The following G2E3 variants were observed in gnomAD, a reference collection of about 807,000 sequenced individuals.
G2E3 encodes G2/M phase-specific E3 ubiquitin-protein ligase.
G2E3 carries 35 observed loss-of-function variants against 92.8 expected under a neutral mutation model. The observed-to-expected ratio is 0.38, with a 90% confidence interval of 0.29 to 0.50. The LOEUF is 0.50. Ranked by LOEUF, G2E3 falls within the 20% of genes least tolerant of loss-of-function variation. The probability of loss-of-function intolerance (pLI) is 0.94; values close to 1 mark genes in which losing one functional copy is unlikely to be tolerated. For synonymous variants in G2E3, 242 were observed against 272.4 expected (o/e 0.89, Z 1.10); for missense variants, 554 against 823.8 (o/e 0.67, Z 4.01).
At chr14:30,610,297 A>G (rs1882025995) in intron 12 of G2E3, among the ~76,000 whole-genome samples, 1 of 152,226 alleles carries the variant, frequency 6.6e-6, no homozygotes. Flanking sequence ...GCCATCACGT[A>G]GTAAAATGTA....
At chr14:30,609,743 G>T (rs965409551) in intron 12 of G2E3, among the ~76,000 whole-genome samples, 1 of 152,016 alleles carries the variant, frequency 6.6e-6, no homozygotes, top group Non-Finnish European at 1.5e-5. Flanking sequence ...TGTTTTTTGT[G>T]GGGCTTTTTT....
In G2E3 at chr14:30,605,724, A is replaced by G. The variant is rs748150450; in HGVS notation, c.1230A>G (p.Gln410=). The G allele has an allele frequency of 1.9e-6, 3 of 1,608,508 alleles. No homozygotes were observed. Among genetic ancestry groups the G allele is most frequent in the Non-Finnish European group, 2.6e-6 (3 of 1,176,110 alleles). ...NFGSEHPGSK[Q]EFLSLLMQHL... Reference sequence around the variant, plus strand: ...GAAGTGAGCATCCTGGATCAAAGCAAGAATTTCTGAGTCTCTTAATGCAAC... The same window carrying G: ...GAAGTGAGCATCCTGGATCAAAGCAGGAATTTCTGAGTCTCTTAATGCAAC... The change falls in exon 11 of 15, where the codon CAA becomes CAG. Residue 410 remains glutamine, a synonymous_variant. Transcript: ENST00000206595.
rs1331355510 is a variant in G2E3, at chr14:30,616,624, CA to C, written c.*93del. ...CTAACCTTTTCATCATCACTTTGAA[CA>C]AACTAGTTAGCTTCTTGACCTAATA... On this transcript the variant is annotated 3_prime_UTR_variant, in exon 15 of 15. Transcript: ENST00000206595. 1.1e-6 allele frequency: 1 copy of C among 914,590 alleles called. No individual in the cohort carries two copies. The highest frequency in any genetic ancestry group is 1.7e-6 in the Non-Finnish European group (1 of 589,784). 56.7% of individuals were successfully genotyped at this position (914,590 alleles called of 1,614,324 possible).
Position 30,600,148 on chromosome 14 carries a change from G to A in G2E3, c.752+1549G>A, listed in dbSNP as rs17096939. 8.8e-3 allele frequency among the ~76,000 whole-genome samples: 1,347 copies of A among 152,252 alleles called. 25 individuals are homozygous for A. The highest frequency in any genetic ancestry group is 0.03 in the African/African-American group (1,253 of 41,534). On this transcript the variant is annotated intron_variant, in intron 8 of 14. Coordinates refer to ENST00000206595, the MANE Select transcript of G2E3 (RefSeq NM_017769.5). ...TATGTAGTCTTACTTAACATAGTAA[G>A]CTCAGTGTATAGAGCAGAATACTGG...
intron 2 of G2E3, among the ~76,000 whole-genome samples, chr14:30,585,334 T>C (rs1880649905): frequency 6.6e-6 from 1 of 152,206 alleles, no homozygotes. Flanking sequence ...AATTTGTATA[T>C]ATGGTGTGAG....
At chr14:30,585,935 A>T (rs896965329) in intron 2 of G2E3, among the ~76,000 whole-genome samples, 3 of 152,166 alleles carry the variant, frequency 2.0e-5, no homozygotes, top group African/African-American at 7.2e-5. Flanking sequence ...TCCAGTTATT[A>T]TGCAGAAGGT....
Position 30,605,769 on chromosome 14 carries a change from G to C in G2E3, c.1275G>C (p.Leu425Phe). The C allele has an allele frequency of 6.3e-7, 1 of 1,592,294 alleles. No individual in the cohort carries two copies. The highest frequency in any genetic ancestry group is 8.5e-7 in the Non-Finnish European group (1 of 1,171,320). The change falls in exon 11 of 15, where the codon TTG becomes TTC. Residue 425 changes from leucine to phenylalanine, a missense_variant. This residue lies in a region of G2E3 where 397 missense variants were observed against 560.3 expected (regional missense o/e 0.71). Coordinates refer to ENST00000206595, the MANE Select transcript of G2E3 (RefSeq NM_017769.5). Reference protein sequence around the residue: ...LLMQHLENSSLFEGSLSKNLS... With the variant: ...LLMQHLENSSFFEGSLSKNLS... ...TGCAACATCTTGAGAACTCATCATT[G>C]TTTGAAGGGTCCTTGTCAAAGAACT...
At chr14:30,613,218 T>G (rs1006094278) in intron 13 of G2E3, among the ~76,000 whole-genome samples, 1 of 152,196 alleles carries the variant, frequency 6.6e-6, no homozygotes, top group Non-Finnish European at 1.5e-5. Context: ...ACTTATTAAC[T>G]TGTGCCTGTC....
intron 6 of G2E3, among the ~76,000 whole-genome samples, chr14:30,596,554 C>T (rs973426744): frequency 6.6e-6 from 1 of 152,122 alleles, no homozygotes; most frequent in African/African-American, 2.4e-5. Flanking sequence ...TCCTATTTTC[C>T]TGGCAAACCT....
chr14:30,598,633 C>A (rs757893310), intron 8 of G2E3, 34 bp downstream of exon 8: 2 of 1,298,792 alleles, frequency 1.5e-6, no homozygotes, highest in Non-Finnish European at 2.2e-6. Flanking sequence ...CTTAGTGGTT[C>A]CTTGTTTAAA....
chr14:30,610,475 G>A (rs559819404), intron 12 of G2E3, among the ~76,000 whole-genome samples: 104 of 152,212 alleles, frequency 6.8e-4, no homozygotes, highest in African/African-American at 2.0e-3. Flanking sequence ...AATTAGCCAG[G>A]TGTGGTGGCG....
At chr14:30,588,288 TAAA>T (rs909460394) in intron 3 of G2E3, among the ~76,000 whole-genome samples, 16 of 152,148 alleles carry the variant, frequency 1.1e-4, no homozygotes, top group Non-Finnish European at 1.8e-4. Context: ...AAAAGTAAAA[TAAA>T]AAGTATTATT....
chr14:30,602,423 G>C (rs1034969485), intron 10 of G2E3, among the ~76,000 whole-genome samples: 21 of 151,582 alleles, frequency 1.4e-4, no homozygotes, highest in African/African-American at 5.1e-4. Flanking sequence ...ATTTTTTTGT[G>C]TACTGAGTAA....
At chr14:30,593,884 TTTG>T (rs1463728688) in intron 6 of G2E3, among the ~76,000 whole-genome samples, 1 of 152,144 alleles carries the variant, frequency 6.6e-6, no homozygotes, top group Non-Finnish European at 1.5e-5. Flanking sequence ...CTTAAAGAAT[TTTG>T]TTGTTTTTAC....
At position 30,581,052 on chromosome 14, in the gene G2E3, CTGTATTAA is replaced by C; in HGVS notation, c.-4-20_-4-13del. ...TTTGAGACTTTTACAATTAAGATGA[CTGTATTAA>C]TGTTATTTTTCCTAGTAAAATGAAT... On this transcript the variant is annotated splice_polypyrimidine_tract_variant and intron_variant, in intron 1 of 14. Transcript: ENST00000206595. 7.9e-7 allele frequency: 1 copy of C among 1,273,460 alleles called. No individual in the cohort carries two copies. Among genetic ancestry groups the C allele is most frequent in the South Asian group, 1.2e-5 (1 of 82,192 alleles). 78.9% of individuals were successfully genotyped at this position (1,273,460 alleles called of 1,614,324 possible). A position where few individuals can be genotyped will look rare whatever the true frequency, so the allele number is the denominator to read the frequency against.
intron 2 of G2E3, 51 bp downstream of exon 2, chr14:30,581,167 G>A (rs749331109): frequency 1.5e-5 from 15 of 996,618 alleles, no homozygotes; most frequent in African/African-American, 3.2e-5. Flanking sequence ...TTTTAAATAT[G>A]TTACTTAAAC....
intron 2 of G2E3, among the ~76,000 whole-genome samples, chr14:30,581,335 C>T (rs772392547): frequency 2.0e-5 from 3 of 151,714 alleles, no homozygotes; most frequent in African/African-American, 4.9e-5. Context: ...AGATATGGTT[C>T]GTATCTCAAT....
In G2E3 at chr14:30,616,449, A is replaced by G. The variant is rs1300023442; in HGVS notation, c.2036A>G (p.Lys679Arg). Residue 679 changes from lysine to arginine, a missense_variant, in exon 15 of 15, where the codon AAA becomes AGA. Lys to Arg is a conservative substitution (Grantham distance 26, BLOSUM62 2). This residue lies in a region of G2E3 where 397 missense variants were observed against 560.3 expected (regional missense o/e 0.71). Transcript: ENST00000206595. ...CLAIPITNTY[K>R]EFQENMDFTI... is the part of the protein sequence containing the mutation. ...GCAATTCCCATCACCAATACATATA[A>G]AGAGTTTCAAGAAAATATGGACTTC... 3 of 1,608,376 alleles carry G rather than the reference A, an allele frequency of 1.9e-6. No individual in the cohort carries two copies. Among genetic ancestry groups the G allele is most frequent in the Non-Finnish European group, 2.6e-6 (3 of 1,175,094 alleles).
chr14:30,598,627 G>C (rs368005719), intron 8 of G2E3, 28 bp downstream of exon 8: 2 of 1,343,588 alleles, frequency 1.5e-6, no homozygotes, highest in Non-Finnish European at 2.1e-6. Context: ...GTTGTGCTTA[G>C]TGGTTCCTTG....
Sources: gnomAD v4.1 joint callset for allele counts (sites outside exome capture counted in the v4.1 genomes callset) on GRCh38, gnomAD v4.1.1 for gene constraint, gnomAD v4.1.1 regional missense constraint, MANE v1.5 for transcripts, NCBI Gene and HGNC (gene_info 2026-07-23, HGNC 2026-07-21) for gene names.